The following UBE2G2 variants were observed in gnomAD, a reference collection of about 807,000 sequenced individuals.
UBE2G2 encodes the protein ubiquitin-conjugating enzyme E2 G2.
A neutral mutation model predicts 23.0 loss-of-function variants in UBE2G2; 10 were observed. That is an observed-to-expected ratio of 0.43 (90% CI 0.27 to 0.74). The LOEUF is 0.74. UBE2G2 is among the 30% of genes least tolerant of loss of function. The probability of loss-of-function intolerance (pLI) is 0.19; values close to 1 mark genes in which losing one functional copy is unlikely to be tolerated. For missense variants in UBE2G2, 150 were observed against 218.3 expected, an observed-to-expected ratio of 0.69 and a Z score of 1.97; for synonymous variants, 86 against 81.3, an observed-to-expected ratio of 1.06 and a Z score of -0.31.
At position 44,772,651 on chromosome 21, in the gene UBE2G2, C is replaced by T. The variant is rs2082882594; in HGVS notation, c.385+896G>A. ...GGCCCCTTGTCCCACACACCTCAAA[C>T]TATTCCCCAAATCCTGCTGTCTCCT... On this transcript the variant is annotated intron_variant, in intron 5 of 5. Coordinates refer to ENST00000345496, the MANE Select transcript of UBE2G2 (RefSeq NM_003343.6). This position sits in a 1 kb window ranked among gnomAD's most constrained non-coding sequence, Gnocchi z 5.4. Among the ~76,000 whole-genome samples the T allele has an allele frequency of 6.6e-6, 1 of 152,182 alleles. No individual in the cohort carries two copies. Among genetic ancestry groups the T allele is most frequent in the South Asian group, 2.1e-4 (1 of 4,830 alleles).
intron 1 of UBE2G2, among the ~76,000 whole-genome samples, chr21:44,789,732 C>T (rs1452282459): frequency 2.6e-5 from 4 of 152,116 alleles, no homozygotes; most frequent in Non-Finnish European, 4.4e-5. Flanking sequence ...AGAGTCAACA[C>T]GAATGATGCT....
chr21:44,791,525 G>A (rs1601194199), intron 1 of UBE2G2, among the ~76,000 whole-genome samples: 4 of 152,340 alleles, frequency 2.6e-5, no homozygotes, highest in Non-Finnish European at 4.4e-5. Flanking sequence ...CAGCTTCCAC[G>A]TGGTGTTGGG....
intron 1 of UBE2G2, among the ~76,000 whole-genome samples, chr21:44,789,575 T>C (rs1459208227): frequency 1.3e-5 from 2 of 151,942 alleles, no homozygotes; most frequent in Non-Finnish European, 2.9e-5. Flanking sequence ...CACAGAGCTA[T>C]GGCCCAGAGG....
At chr21:44,786,737 C>T (rs923121384) in intron 3 of UBE2G2, among the ~76,000 whole-genome samples, 5 of 152,212 alleles carry the variant, frequency 3.3e-5, no homozygotes, top group African/African-American at 1.2e-4. Context: ...TAGAGCACTT[C>T]TCAATGCAAC....
At position 44,788,077 on chromosome 21, in the gene UBE2G2, G is replaced by A. The variant is rs782079899; in HGVS notation, c.62C>T (p.Pro21Leu). ...AEYKQLTLNP[P>L]EGIVAGPMNE... ...TACCTTACCTGCTACAATTCCTTCC[G>A]GAGGATTCAGTGTTAATTCTATAAA... The change falls in exon 2 of 6, where the codon CCG (proline) becomes CTG (leucine). Residue 21 changes from proline (P) to leucine (L), a missense_variant. Pro to Leu is a moderately conservative substitution (Grantham distance 98). Coordinates refer to ENST00000345496, the MANE Select transcript of UBE2G2 (RefSeq NM_003343.6). The A allele has an allele frequency of 7.5e-6, 12 of 1,610,206 alleles. No homozygotes were observed. The highest frequency in any genetic ancestry group is 2.2e-5 in the East Asian group (1 of 44,840).
intron 3 of UBE2G2, among the ~76,000 whole-genome samples, chr21:44,778,697 CA>C (rs2082931888): frequency 6.6e-6 from 1 of 152,228 alleles, no homozygotes. Flanking sequence ...TGCTGAATGA[CA>C]GCGGCAGACA....
chr21:44,779,814 A>C (rs564304084), intron 3 of UBE2G2, among the ~76,000 whole-genome samples: 42 of 152,228 alleles, frequency 2.8e-4, no homozygotes, highest in Non-Finnish European at 4.7e-4. Flanking sequence ...CCAAGGATGA[A>C]ATGACTTAGT....
intron 3 of UBE2G2, chr21:44,779,198 T>A: frequency 2.2e-6 from 1 of 451,304 alleles, no homozygotes; most frequent in Non-Finnish European, 4.4e-6. Context: ...GCACGGCTCA[T>A]GGCCCTAGCA....
At position 44,791,186 on chromosome 21, in the gene UBE2G2, C is replaced by T. The variant is rs368906054; in HGVS notation, c.44-3091G>A. 1.9e-4 allele frequency among the ~76,000 whole-genome samples: 29 copies of T among 152,232 alleles called. No individual in the cohort carries two copies. In the East Asian group the frequency reaches 4.1e-3, roughly 21 times the overall value. On this transcript the variant is annotated intron_variant, in intron 1 of 5. Transcript: ENST00000345496. ...GCAGGGAATAAAAGTTTGAAAACTTCGCAGCATGACGGTGCAATAAAAAAG... is the reference window on the plus strand; with the variant it reads ...GCAGGGAATAAAAGTTTGAAAACTTTGCAGCATGACGGTGCAATAAAAAAG...
chr21:44,773,453 A>G (rs1375263060), intron 5 of UBE2G2, 94 bp downstream of exon 5: 1 of 1,451,040 alleles, frequency 6.9e-7, no homozygotes, highest in East Asian at 2.4e-5. Flanking sequence ...GCAAATGAGG[A>G]AAAGGACATT....
intron 5 of UBE2G2, 105 bp downstream of exon 5, chr21:44,773,442 T>C: frequency 7.1e-7 from 1 of 1,409,616 alleles, no homozygotes; most frequent in Non-Finnish European, 9.4e-7. Flanking sequence ...GTAAACTAAC[T>C]GCAAATGAGG....
intron 1 of UBE2G2, among the ~76,000 whole-genome samples, chr21:44,789,051 T>C (rs1555962556): frequency 6.6e-6 from 1 of 151,936 alleles, no homozygotes; most frequent in Non-Finnish European, 1.5e-5. Context: ...TATATAAAAA[T>C]GCAAACAATC....
intron 1 of UBE2G2, chr21:44,801,176 C>T: frequency 4.0e-6 from 1 of 252,420 alleles, no homozygotes; most frequent in Non-Finnish European, 6.3e-6. Context: ...TCTAATTTAC[C>T]GGGTAGGAAA....
intron 4 of UBE2G2, 46 bp from the exon 5 acceptor site, chr21:44,773,733 A>G: frequency 6.3e-7 from 1 of 1,596,318 alleles, no homozygotes; most frequent in Non-Finnish European, 8.5e-7. Context: ...ATGGTGCCCG[A>G]GGCATCGCCG....
intron 4 of UBE2G2, among the ~76,000 whole-genome samples, chr21:44,776,156 GATGTAAAAGGAAGA>G (rs1301150440): frequency 6.6e-6 from 1 of 152,126 alleles, no homozygotes; most frequent in Non-Finnish European, 1.5e-5. Flanking sequence ...CTATGGCAAA[GATGTAAAAGGAAGA>G]ATGTAAAAGG....
At chr21:44,796,163 G>A (rs2083087012) in intron 1 of UBE2G2, among the ~76,000 whole-genome samples, 1 of 152,238 alleles carries the variant, frequency 6.6e-6, no homozygotes, top group Admixed American at 6.5e-5. Flanking sequence ...AAGGCTGGAT[G>A]ATGAATGAAG....
At position 44,771,763 on chromosome 21, in the gene UBE2G2, C is replaced by T. The variant is rs1357076529; in HGVS notation, c.386-274G>A. Among the ~76,000 whole-genome samples, 6 of 152,218 alleles carry T rather than the reference C, an allele frequency of 3.9e-5. No individual in the cohort carries two copies. Among genetic ancestry groups the T allele is most frequent in the African/African-American group, 1.4e-4 (6 of 41,450 alleles). On this transcript the variant is annotated intron_variant, in intron 5 of 5. Transcript: ENST00000345496. The surrounding 1 kb of genome is among the most constrained non-coding windows in gnomAD (Gnocchi z 4.6). ...TTGCTGTGGAACATGCGACAACCACCTAAGCACAGGCCCACACGGCCTCCC... is the reference window on the plus strand; with the variant it reads ...TTGCTGTGGAACATGCGACAACCACTTAAGCACAGGCCCACACGGCCTCCC...
chr21:44,782,968 T>C (rs1287230328), intron 3 of UBE2G2, among the ~76,000 whole-genome samples: 1 of 152,186 alleles, frequency 6.6e-6, no homozygotes, highest in East Asian at 1.9e-4. Context: ...TTCAAAAGAC[T>C]CTATTAAGAA....
chr21:44,791,427 C>T (rs1225378198), intron 1 of UBE2G2, among the ~76,000 whole-genome samples: 1 of 152,156 alleles, frequency 6.6e-6, no homozygotes, highest in Non-Finnish European at 1.5e-5. Context: ...TGCCCTGTGT[C>T]CCAGCTGTTC....
Sources: allele counts gnomAD v4.1 joint callset (sites outside exome capture counted in the v4.1 genomes callset), GRCh38; gene constraint gnomAD v4.1.1; non-coding constraint Gnocchi (gnomAD v3.1); transcripts MANE v1.5; gene names NCBI Gene and HGNC (gene_info 2026-07-23, HGNC 2026-07-21).